Variants in PREX2 observed in about 807,000 individuals in gnomAD.
PREX2 encodes the protein phosphatidylinositol-3,4,5-trisphosphate dependent Rac exchange factor 2.
Under a neutral mutation model 203.2 loss-of-function variants are expected in PREX2, and 107 were observed. The ratio of observed to expected loss-of-function variants is 0.53; its 90% CI spans 0.45 to 0.62. The LOEUF (loss-of-function observed/expected upper bound fraction) is 0.62, where lower values mean the gene tolerates loss of function less well. Ranked by LOEUF, PREX2 falls within the 20% of genes least tolerant of loss-of-function variation. PREX2 has a pLI of 0.00. For missense variants in PREX2, 1,777 were observed against 1,955.9 expected (o/e 0.91, Z 1.72); for synonymous variants, 672 against 663.6 (o/e 1.01, Z -0.19).
At chr8:68,118,355 CAAA>C (rs370448093) in intron 26 of PREX2, among the ~76,000 whole-genome samples, 192 bp from the exon 27 acceptor site, 4 of 82,636 alleles carry the variant, frequency 4.8e-5, no homozygotes, top group Non-Finnish European at 8.1e-5. Flanking sequence ...ACTCCGTCTC[CAAA>C]AAAAAAAAAA....
intron 10 of PREX2, among the ~76,000 whole-genome samples, chr8:68,057,881 C>G (rs1808726758): frequency 6.6e-6 from 1 of 152,170 alleles, no homozygotes; most frequent in Non-Finnish European, 1.5e-5. Context: ...AGCCCAGGGT[C>G]AAGTTTGTTC....
chr8:67,963,122 A>G (rs1002291283), intron 1 of PREX2, among the ~76,000 whole-genome samples: 2 of 152,126 alleles, frequency 1.3e-5, no homozygotes, highest in African/African-American at 2.4e-5. Context: ...GTGTGGGCCT[A>G]TGTAAAGGTT....
intron 15 of PREX2, among the ~76,000 whole-genome samples, chr8:68,078,030 G>A (rs1809400223): frequency 6.6e-6 from 1 of 151,992 alleles, no homozygotes; most frequent in Non-Finnish European, 1.5e-5. Context: ...TGTGCCCTGG[G>A]ATGACTTCAA....
Position 68,069,065 on chromosome 8 carries a change from A to T in PREX2, c.1372A>T (p.Met458Leu), listed in dbSNP as rs1809109199. Reference sequence around the variant, plus strand: ...TAAACATCAATTCAAACCAGAACAGATGTTATATAGATTTCGCTATGATGA... The same window carrying T: ...TAAACATCAATTCAAACCAGAACAGTTGTTATATAGATTTCGCTATGATGA... ...TDKHQFKPEQ[M>L]LYRFRYDDGT... is the part of the protein sequence containing the mutation. The change falls in exon 12 of 40, where the codon ATG (methionine) becomes TTG (leucine). Residue 458 changes from methionine (M) to leucine (L), a missense_variant. Met to Leu is a conservative substitution (Grantham distance 15). Transcript: ENST00000288368. 1.3e-6 allele frequency: 2 copies of T among 1,548,678 alleles called. No individual in the cohort carries two copies. The highest frequency in any genetic ancestry group is 1.4e-5 in the African/African-American group (1 of 71,334).
chr8:68,161,341 C>T (rs1201372047), intron 35 of PREX2, among the ~76,000 whole-genome samples: 1 of 151,990 alleles, frequency 6.6e-6, no homozygotes, highest in African/African-American at 2.4e-5. Flanking sequence ...GATCTGCCCA[C>T]CTCAGCCTCC....
intron 26 of PREX2, among the ~76,000 whole-genome samples, chr8:68,118,063 A>G (rs946268839): frequency 2.0e-5 from 3 of 152,216 alleles, no homozygotes; most frequent in Admixed American, 6.5e-5. Flanking sequence ...AATCAAAAAT[A>G]TGCCATCTTT....
At chr8:67,982,683 G>A (rs1249045207) in intron 1 of PREX2, among the ~76,000 whole-genome samples, 1 of 152,178 alleles carries the variant, frequency 6.6e-6, no homozygotes, top group African/African-American at 2.4e-5. Flanking sequence ...AAGAACAGCT[G>A]ATAGTATTTT....
At chr8:68,102,217 T>C (rs1324209651) in intron 23 of PREX2, among the ~76,000 whole-genome samples, 1 of 152,172 alleles carries the variant, frequency 6.6e-6, no homozygotes, top group Non-Finnish European at 1.5e-5. Flanking sequence ...CTTCGGGAGA[T>C]TAAGAATTTG....
intron 8 of PREX2, among the ~76,000 whole-genome samples, chr8:68,047,341 C>T (rs182793358): frequency 5.9e-5 from 9 of 151,602 alleles, no homozygotes; most frequent in African/African-American, 2.2e-4. Context: ...ATGCCAAGTA[C>T]TCCCCATACT....
chr8:68,121,124 G>A, intron 30 of PREX2, 75 bp downstream of exon 30: 1 of 1,433,202 alleles, frequency 7.0e-7, no homozygotes. Flanking sequence ...CCAAAAGTTT[G>A]GTAATGCCTG....
intron 38 of PREX2, chr8:68,220,067 G>A (rs1812924609): frequency 6.6e-6 from 1 of 151,580 alleles, no homozygotes; most frequent in African/African-American, 2.4e-5. Flanking sequence ...ATATATAAAT[G>A]AATAATATAA....
At chr8:68,127,029 A>G (rs892969016) in intron 30 of PREX2, among the ~76,000 whole-genome samples, 4 of 152,098 alleles carry the variant, frequency 2.6e-5, no homozygotes, top group African/African-American at 7.2e-5. Context: ...CAGAACACCA[A>G]GCAGGCTAAA....
At position 68,080,511 on chromosome 8, in the gene PREX2, G is replaced by C. The variant is rs1208865063; in HGVS notation, c.1711G>C (p.Gly571Arg). The C allele has an allele frequency of 1.9e-6, 3 of 1,611,528 alleles. No individual in the cohort carries two copies. The highest frequency in any genetic ancestry group is 1.7e-5 in the Admixed American group (1 of 59,860). Residue 571 changes from glycine (G) to arginine (R), a missense_variant, in exon 16 of 40, where the codon GGA (glycine) becomes CGA (arginine). Coordinates refer to ENST00000288368, the MANE Select transcript of PREX2 (RefSeq NM_024870.4). ...FRFFSDEEME[G>R]SNMKHRLMKH... ...TTTTTTTTCGGATGAGGAAATGGAG[G>C]GATCAAATATGAAACATCGACTTAT...
At chr8:68,168,830 C>G (rs138942583) in intron 35 of PREX2, among the ~76,000 whole-genome samples, 148 of 152,170 alleles carry the variant, frequency 9.7e-4, no homozygotes, top group African/African-American at 3.3e-3. Flanking sequence ...TAACCGAGTG[C>G]CTTTTTCACA....
intron 6 of PREX2, among the ~76,000 whole-genome samples, chr8:68,033,556 A>G (rs973571535): frequency 3.9e-5 from 6 of 152,200 alleles, no homozygotes; most frequent in African/African-American, 1.4e-4. Flanking sequence ...CAGAGTCAAT[A>G]CAAAAGCTAC....
chr8:68,204,996 T>C (rs910244202), intron 37 of PREX2, among the ~76,000 whole-genome samples: 1 of 152,128 alleles, frequency 6.6e-6, no homozygotes, highest in African/African-American at 2.4e-5. Flanking sequence ...TGCTTTCTTT[T>C]AAGCTACTCG....
rs1810745209 is a variant in PREX2, at chr8:68,120,301, A to G, written c.3595+15A>G. On this transcript the variant is annotated intron_variant, in intron 29 of 39. Transcript: ENST00000288368. ...AGGATTGCAAGGTAAGCCTTGAAAA[A>G]TTAACTAGTAGAAGCAATTGAGAAA... is the stretch of plus-strand genomic sequence containing the variant. 6.3e-7 allele frequency: 1 copy of G among 1,585,070 alleles called. No homozygotes were observed. Among genetic ancestry groups the G allele is most frequent in the African/African-American group, 1.3e-5 (1 of 74,360 alleles).
At chr8:68,008,976 T>C (rs1807183726) in intron 1 of PREX2, among the ~76,000 whole-genome samples, 1 of 152,218 alleles carries the variant, frequency 6.6e-6, no homozygotes, top group Non-Finnish European at 1.5e-5. Context: ...AAAATAAATG[T>C]GTTTAAAGAA....
chr8:67,964,963 A>C (rs548405071), intron 1 of PREX2, among the ~76,000 whole-genome samples: 1 of 152,074 alleles, frequency 6.6e-6, no homozygotes, highest in Non-Finnish European at 1.5e-5. Flanking sequence ...ACTCTTCTGG[A>C]TTGTGGGAAT....
Sources: gnomAD v4.1 joint callset for allele counts (sites outside exome capture counted in the v4.1 genomes callset) on GRCh38, gnomAD v4.1.1 for gene constraint, MANE v1.5 for transcripts, NCBI Gene and HGNC (gene_info 2026-07-23, HGNC 2026-07-21) for gene names.